The following BNC2 variants were observed in gnomAD, a reference collection of about 807,000 sequenced individuals.
The protein encoded by BNC2 is zinc finger protein basonuclin-2.
Under a neutral mutation model 76.3 loss-of-function variants are expected in BNC2, and 20 were observed. The observed-to-expected ratio is 0.26, with a 90% CI of 0.18 to 0.38. The LOEUF is 0.38. BNC2 is among the 10% of genes least tolerant of loss of function. The pLI is 1.00. For missense variants in BNC2, 1,382 were observed against 1,399.8 expected (o/e 0.99, Z 0.20); for synonymous variants, 582 against 514.8 (o/e 1.13, Z -1.77).
intron 5 of BNC2, among the ~76,000 whole-genome samples, chr9:16,458,560 T>C (rs927656485): frequency 6.6e-6 from 1 of 152,220 alleles, no homozygotes; most frequent in African/African-American, 2.4e-5. Context: ...TGAGATAATT[T>C]AGGGAGAGGA....
At chr9:16,819,359 T>C (rs1818258785) in intron 1 of BNC2, among the ~76,000 whole-genome samples, 1 of 152,184 alleles carries the variant, frequency 6.6e-6, no homozygotes. Context: ...AAAGGAATCA[T>C]TAATAAGAAA....
chr9:16,530,929 T>G (rs1180055998), intron 5 of BNC2, among the ~76,000 whole-genome samples: 2 of 152,098 alleles, frequency 1.3e-5, no homozygotes, highest in African/African-American at 4.8e-5. Context: ...TTGTCAGATC[T>G]GCCAAGAGAC....
chr9:16,590,548 CTCATGCCTGTAATCTCAG>C (rs1303554925), intron 3 of BNC2, among the ~76,000 whole-genome samples: 102 of 152,008 alleles, frequency 6.7e-4, no homozygotes, highest in African/African-American at 2.4e-3. Flanking sequence ...GGAATAGTGG[CTCATGCCTGTAATCTCAG>C]CAATTTGGGA....
At chr9:16,470,746 C>A (rs1013371875) in intron 5 of BNC2, among the ~76,000 whole-genome samples, 1 of 152,236 alleles carries the variant, frequency 6.6e-6, no homozygotes, top group African/African-American at 2.4e-5. Flanking sequence ...GTTTCGGAAC[C>A]TCCGCCTAGA....
intron 1 of BNC2, among the ~76,000 whole-genome samples, chr9:16,790,679 C>G (rs891786913): frequency 1.3e-5 from 2 of 152,132 alleles, no homozygotes; most frequent in African/African-American, 4.8e-5. Flanking sequence ...CAGCATCTTT[C>G]CTCTGTTACA....
intron 5 of BNC2, among the ~76,000 whole-genome samples, chr9:16,462,902 T>A (rs1200179418): frequency 6.6e-6 from 1 of 152,212 alleles, no homozygotes; most frequent in African/African-American, 2.4e-5. Flanking sequence ...CTTCCCTTCA[T>A]CCAGGCTTGT....
chr9:16,453,101 G>A (rs1821376509), intron 5 of BNC2, among the ~76,000 whole-genome samples: 1 of 152,108 alleles, frequency 6.6e-6, no homozygotes, highest in East Asian at 1.9e-4. Flanking sequence ...GTAGAGCAAA[G>A]AAAATGAAAG....
chr9:16,566,091 C>T (rs1328664533), intron 4 of BNC2, among the ~76,000 whole-genome samples: 1 of 152,066 alleles, frequency 6.6e-6, no homozygotes, highest in Non-Finnish European at 1.5e-5. Context: ...TTTCCCGTTT[C>T]GATTTATATT....
chr9:16,423,187 C>T (rs561028657), intron 6 of BNC2, among the ~76,000 whole-genome samples: 1 of 152,272 alleles, frequency 6.6e-6, no homozygotes, highest in East Asian at 1.9e-4. Context: ...TTTCTAGAAA[C>T]AGATTTAGTG....
chr9:16,753,376 C>T (rs1369444406), intron 1 of BNC2, among the ~76,000 whole-genome samples: 1 of 152,072 alleles, frequency 6.6e-6, no homozygotes, highest in Non-Finnish European at 1.5e-5. Context: ...GACATAAAGC[C>T]TAACTTTTAA....
At chr9:16,751,423 C>T (rs1825191409) in intron 1 of BNC2, among the ~76,000 whole-genome samples, 1 of 151,894 alleles carries the variant, frequency 6.6e-6, no homozygotes, top group Admixed American at 6.6e-5. Flanking sequence ...CAGCAATGAA[C>T]TCTCTCAAGA....
At chr9:16,725,223 A>T (rs75168173) in intron 3 of BNC2, among the ~76,000 whole-genome samples, 60,895 of 149,986 alleles carry the variant, frequency 0.41, 16,185 homozygotes, top group Non-Finnish European at 0.61. Context: ...TCTCTCACAC[A>T]CACACACACA....
chr9:16,538,240 C>T (rs7033882), intron 5 of BNC2, among the ~76,000 whole-genome samples: 4,936 of 152,188 alleles, frequency 0.032, 274 homozygotes, highest in African/African-American at 0.11. Flanking sequence ...TAGACTATCA[C>T]CTTCTTAATT....
chr9:16,727,770 A>C, intron 3 of BNC2, 27 bp downstream of exon 3: 1 of 1,592,248 alleles, frequency 6.3e-7, no homozygotes, highest in Admixed American at 1.8e-5. Flanking sequence ...AAAAAGAAAA[A>C]AAAAATCAAG....
At chr9:16,855,568 C>T (rs1445553002) in intron 1 of BNC2, among the ~76,000 whole-genome samples, 2 of 152,290 alleles carry the variant, frequency 1.3e-5, no homozygotes, top group African/African-American at 2.4e-5. Flanking sequence ...GACGGAGTCT[C>T]GCTCTGTCGC....
At chr9:16,564,259 T>A (rs1017854338) in intron 4 of BNC2, among the ~76,000 whole-genome samples, 1 of 152,144 alleles carries the variant, frequency 6.6e-6, no homozygotes, top group East Asian at 1.9e-4. Context: ...AATGTTAGGG[T>A]AGTCCTTAGT....
chr9:16,563,842 C>CA (rs1427056240), intron 4 of BNC2, among the ~76,000 whole-genome samples: 1 of 152,150 alleles, frequency 6.6e-6, no homozygotes, highest in Non-Finnish European at 1.5e-5. Context: ...ATTTCACCGG[C>CA]AGATACTTCA....
At chr9:16,714,658 G>C (rs985904050) in intron 3 of BNC2, among the ~76,000 whole-genome samples, 1 of 152,170 alleles carries the variant, frequency 6.6e-6, no homozygotes, top group African/African-American at 2.4e-5. Context: ...ATTGGTTTCT[G>C]ACACTGTTCA....
intron 1 of BNC2, among the ~76,000 whole-genome samples, chr9:16,837,378 C>G (rs961785430): frequency 6.6e-6 from 1 of 152,150 alleles, no homozygotes; most frequent in African/African-American, 2.4e-5. Flanking sequence ...GTGGCAGGCG[C>G]CTGTAATCCC....
Sources: allele counts gnomAD v4.1 joint callset (sites outside exome capture counted in the v4.1 genomes callset), GRCh38; gene constraint gnomAD v4.1.1; transcripts MANE v1.5; gene names NCBI Gene and HGNC (gene_info 2026-07-23, HGNC 2026-07-21).